BANK1: variants seen among roughly 807,000 people sequenced by gnomAD.
BANK1 encodes the protein B-cell scaffold protein with ankyrin repeats.
BANK1 carries 95 observed loss-of-function variants against 94.5 expected under a neutral mutation model. The ratio of observed to expected loss-of-function variants is 1.00; its 90% CI spans 0.85 to 1.19. The LOEUF is 1.19. Ranked by LOEUF, BANK1 falls within the 50% of genes most tolerant of loss-of-function variation. The pLI is 0.00. For synonymous variants in BANK1, 334 were observed against 308.4 expected, an observed-to-expected ratio of 1.08 and a Z score of -0.87; for missense variants, 987 against 932.2, an observed-to-expected ratio of 1.06 and a Z score of -0.77.
intron 1 of BANK1, among the ~76,000 whole-genome samples, chr4:101,802,344 T>G (rs1383477591): frequency 6.6e-6 from 1 of 152,242 alleles, no homozygotes; most frequent in Non-Finnish European, 1.5e-5. Flanking sequence ...ATGCCTGAAG[T>G]AATTTATTCC....
intron 2 of BANK1, among the ~76,000 whole-genome samples, chr4:101,852,471 T>C (rs1437514449): frequency 2.8e-3 from 71 of 25,088 alleles, no homozygotes; most frequent in African/African-American, 0.011. Context: ...ATTTTTCGGC[T>C]ATATATATAT....
intron 11 of BANK1, among the ~76,000 whole-genome samples, chr4:102,047,899 G>A (rs1269627882): frequency 6.6e-6 from 1 of 151,902 alleles, no homozygotes; most frequent in South Asian, 2.1e-4. Context: ...TAGACAATTA[G>A]TACCCATCTG....
intron 5 of BANK1, among the ~76,000 whole-genome samples, chr4:101,882,630 T>C (rs1429007516): frequency 6.6e-6 from 1 of 152,252 alleles, no homozygotes; most frequent in Non-Finnish European, 1.5e-5. Context: ...ATTCTTTTAC[T>C]AAATCAGCAG....
intron 7 of BANK1, among the ~76,000 whole-genome samples, chr4:101,948,178 G>C (rs72916165): frequency 0.015 from 2,319 of 152,206 alleles, 55 homozygotes; most frequent in African/African-American, 0.053. Context: ...AGCAGAGTAT[G>C]AGACTAGCCC....
At chr4:101,927,329 C>T (rs1255949468) in intron 7 of BANK1, among the ~76,000 whole-genome samples, 2 of 151,648 alleles carry the variant, frequency 1.3e-5, no homozygotes, top group Non-Finnish European at 3.0e-5. Context: ...GATCACCTCC[C>T]ACCTGGTCCC....
At chr4:102,008,771 CAT>C (rs1476280700) in intron 7 of BANK1, among the ~76,000 whole-genome samples, 1 of 152,088 alleles carries the variant, frequency 6.6e-6, no homozygotes, top group East Asian at 1.9e-4. Context: ...CGGGTTATAA[CAT>C]ATCTCCATTC....
chr4:101,898,067 A>AT (rs1722152607), intron 6 of BANK1, among the ~76,000 whole-genome samples: 1 of 151,992 alleles, frequency 6.6e-6, no homozygotes, highest in Non-Finnish European at 1.5e-5. Flanking sequence ...ATTATTGCAT[A>AT]ACAGATGTCA....
chr4:101,998,477 A>G (rs980592852), intron 7 of BANK1, among the ~76,000 whole-genome samples: 2 of 152,006 alleles, frequency 1.3e-5, no homozygotes, highest in African/African-American at 4.8e-5. Flanking sequence ...CTTGTTAACT[A>G]TCTGTCTTGT....
chr4:101,871,734 C>T (rs1728295436), intron 5 of BANK1, among the ~76,000 whole-genome samples: 1 of 152,070 alleles, frequency 6.6e-6, no homozygotes, highest in Admixed American at 6.6e-5. Context: ...CCACCTTATC[C>T]TCTACTTAAA....
At chr4:101,941,800 T>G (rs924983553) in intron 7 of BANK1, among the ~76,000 whole-genome samples, 2 of 151,724 alleles carry the variant, frequency 1.3e-5, no homozygotes, top group Non-Finnish European at 2.9e-5. Context: ...TGAATTGTAT[T>G]CCATATTTTT....
At chr4:102,054,286 C>T (rs1728153364) in intron 11 of BANK1, among the ~76,000 whole-genome samples, 3 of 152,106 alleles carry the variant, frequency 2.0e-5, no homozygotes, top group African/African-American at 2.4e-5. Context: ...GTACTATTCA[C>T]GTAATCGTAT....
intron 7 of BANK1, among the ~76,000 whole-genome samples, chr4:101,968,410 A>C (rs1386668813): frequency 2.0e-5 from 3 of 152,108 alleles, no homozygotes; most frequent in Non-Finnish European, 2.9e-5. Flanking sequence ...TGGCACTCTA[A>C]TATTTCAGAC....
At chr4:102,053,981 T>C (rs1258008757) in intron 11 of BANK1, among the ~76,000 whole-genome samples, 1 of 151,956 alleles carries the variant, frequency 6.6e-6, no homozygotes, top group Non-Finnish European at 1.5e-5. Flanking sequence ...CATATATATG[T>C]CTTTATAACC....
At chr4:101,960,872 C>T (rs189367898) in intron 7 of BANK1, among the ~76,000 whole-genome samples, 1 of 152,162 alleles carries the variant, frequency 6.6e-6, no homozygotes, top group Admixed American at 6.5e-5. Flanking sequence ...AACAAGTTCT[C>T]TGATTCTAGG....
intron 2 of BANK1, among the ~76,000 whole-genome samples, chr4:101,848,125 C>G (rs1435961549): frequency 6.6e-6 from 1 of 152,192 alleles, no homozygotes; most frequent in Admixed American, 6.5e-5. Flanking sequence ...AACAGATCTT[C>G]AGCTTCTCCA....
chr4:102,066,025 T>C (rs1728580033), intron 13 of BANK1, among the ~76,000 whole-genome samples: 1 of 152,064 alleles, frequency 6.6e-6, no homozygotes. Flanking sequence ...ACCAAAAACT[T>C]GCCAAATTTA....
In BANK1 at chr4:102,039,516, G is replaced by C. The variant is rs145890736; in HGVS notation, c.1901-4323G>C. ...ACTTTATTGAGCCTTTTTGTGATTAGATTTAAACAGTATAAATTGGGAAGC... is the reference window on the plus strand; with the variant it reads ...ACTTTATTGAGCCTTTTTGTGATTACATTTAAACAGTATAAATTGGGAAGC... On this transcript the variant is annotated intron_variant, in intron 10 of 16. Transcript: ENST00000322953. Among the ~76,000 whole-genome samples the C allele has an allele frequency of 3.3e-4, 50 of 152,132 alleles. No homozygotes were observed. In the East Asian group the frequency reaches 7.3e-3, roughly 22 times the overall value.
At chr4:101,869,801 A>G (rs1231691875) in intron 4 of BANK1, among the ~76,000 whole-genome samples, 2 of 151,998 alleles carry the variant, frequency 1.3e-5, no homozygotes, top group Non-Finnish European at 2.9e-5. Flanking sequence ...TTACACTAAA[A>G]CACAATAACT....
At chr4:102,028,728 AT>A (rs911496626) in intron 9 of BANK1, among the ~76,000 whole-genome samples, 32 of 152,290 alleles carry the variant, frequency 2.1e-4, no homozygotes, top group African/African-American at 7.0e-4. Context: ...CTACAAAAAT[AT>A]TTTAACATAT....
Sources: gnomAD v4.1 joint callset for allele counts (sites outside exome capture counted in the v4.1 genomes callset) on GRCh38, gnomAD v4.1.1 for gene constraint, MANE v1.5 for transcripts, NCBI Gene and HGNC (gene_info 2026-07-23, HGNC 2026-07-21) for gene names.